Variants in MYO3A observed in about 807,000 individuals in gnomAD.
MYO3A encodes the protein myosin IIIA.
Under a neutral mutation model 192.7 loss-of-function variants are expected in MYO3A, and 180 were observed. That is an observed-to-expected ratio of 0.93 (90% CI 0.83 to 1.06). MYO3A has a LOEUF of 1.06. MYO3A is among the 50% of genes least tolerant of loss of function. The pLI is 0.00. For missense variants in MYO3A, 1,896 were observed against 1,905.0 expected (o/e 1.00, Z 0.09); for synonymous variants, 628 against 645.3 (o/e 0.97, Z 0.41).
At chr10:26,110,237 A>G (rs1419834638) in intron 17 of MYO3A, among the ~76,000 whole-genome samples, 1 of 152,164 alleles carries the variant, frequency 6.6e-6, no homozygotes, top group African/African-American at 2.4e-5. Flanking sequence ...TCCATTCTAT[A>G]TCTACTACAC....
intron 29 of MYO3A, among the ~76,000 whole-genome samples, chr10:26,172,795 T>G (rs1043787824): frequency 1.3e-5 from 2 of 152,110 alleles, no homozygotes; most frequent in African/African-American, 4.8e-5. Flanking sequence ...TCCTAGGAAG[T>G]GGCCAGTAGA....
chr10:26,034,365 T>C (rs528362559), intron 10 of MYO3A, among the ~76,000 whole-genome samples: 3 of 152,308 alleles, frequency 2.0e-5, no homozygotes, highest in Admixed American at 2.0e-4. Flanking sequence ...ACCCCTGCCT[T>C]GGACTGCCAG....
intron 32 of MYO3A, chr10:26,200,959 C>T (rs1190497589): frequency 3.1e-5 from 5 of 159,260 alleles, no homozygotes; most frequent in African/African-American, 4.8e-5. Context: ...AGTTTGCTCC[C>T]GTTTGTAGTA....
At chr10:26,201,448 A>T in intron 33 of MYO3A, 143 bp downstream of exon 33, 2 of 441,358 alleles carry the variant, frequency 4.5e-6, no homozygotes, top group Non-Finnish European at 4.2e-6. Context: ...TGGGAGGCCG[A>T]GGCGGGTGGA....
intron 6 of MYO3A, among the ~76,000 whole-genome samples, chr10:26,003,444 A>G (rs1478617876): frequency 1.3e-5 from 2 of 152,236 alleles, no homozygotes; most frequent in African/African-American, 4.8e-5. Flanking sequence ...AGTAAGATTC[A>G]GTTTGCTAAT....
intron 17 of MYO3A, among the ~76,000 whole-genome samples, chr10:26,098,310 A>T (rs192337233): frequency 6.6e-6 from 1 of 152,128 alleles, no homozygotes; most frequent in African/African-American, 2.4e-5. Flanking sequence ...TTCTGGATAT[A>T]AGCCCTTTGT....
At chr10:25,950,644 C>A (rs1358637679) in intron 2 of MYO3A, among the ~76,000 whole-genome samples, 2 of 152,018 alleles carry the variant, frequency 1.3e-5, no homozygotes, top group Non-Finnish European at 2.9e-5. Flanking sequence ...AAGGGAGGAA[C>A]AAGAGTGTTT....
At chr10:25,985,493 T>A (rs1288894154) in intron 4 of MYO3A, among the ~76,000 whole-genome samples, 1 of 151,860 alleles carries the variant, frequency 6.6e-6, no homozygotes, top group Non-Finnish European at 1.5e-5. Flanking sequence ...TAAGCTTAAT[T>A]GAAAACGAAA....
intron 17 of MYO3A, among the ~76,000 whole-genome samples, chr10:26,109,533 A>T (rs949356623): frequency 6.6e-6 from 1 of 152,176 alleles, no homozygotes; most frequent in Admixed American, 6.5e-5. Context: ...CAGTTCAAAA[A>T]TACATAGTAC....
At chr10:25,992,141 C>G (rs908045839) in intron 4 of MYO3A, among the ~76,000 whole-genome samples, 6 of 150,140 alleles carry the variant, frequency 4.0e-5, no homozygotes, top group Non-Finnish European at 8.9e-5. Context: ...TCTTCCTACC[C>G]ATGAGCATGG....
At chr10:26,059,147 T>A (rs560524179) in intron 10 of MYO3A, among the ~76,000 whole-genome samples, 97 of 152,316 alleles carry the variant, frequency 6.4e-4, no homozygotes, top group African/African-American at 1.9e-3. Flanking sequence ...GATAGTTTTA[T>A]TTCTTTCTTC....
Position 25,959,904 on chromosome 10 carries a change from G to C in MYO3A, c.303+4896G>C, listed in dbSNP as rs144526072. ...GTGATAAGAGGGTTTCGAGTCTTTTGATTAAAGACTTCCAAATGACCCCTT... is the reference window on the plus strand; with the variant it reads ...GTGATAAGAGGGTTTCGAGTCTTTTCATTAAAGACTTCCAAATGACCCCTT... On this transcript the variant is annotated intron_variant, in intron 4 of 34. Coordinates refer to ENST00000642920, the MANE Select transcript of MYO3A (RefSeq NM_017433.5). 2.1e-3 allele frequency among the ~76,000 whole-genome samples: 315 copies of C among 151,864 alleles called. 2 individuals are homozygous for C. The highest frequency in any genetic ancestry group is 7.4e-3 in the African/African-American group (306 of 41,428).
At chr10:26,117,663 G>A (rs1838595970) in intron 17 of MYO3A, among the ~76,000 whole-genome samples, 1 of 152,168 alleles carries the variant, frequency 6.6e-6, no homozygotes, top group African/African-American at 2.4e-5. Flanking sequence ...CCCTGCAAAG[G>A]ACATGATCTC....
At chr10:26,153,366 G>A (rs1840912696) in intron 23 of MYO3A, among the ~76,000 whole-genome samples, 2 of 152,168 alleles carry the variant, frequency 1.3e-5, no homozygotes, top group African/African-American at 4.8e-5. Flanking sequence ...GTGCATTTGT[G>A]TAGTCCTTAG....
In MYO3A at chr10:26,173,710, A is replaced by G. The variant is rs1414436438; in HGVS notation, c.3446A>G (p.Glu1149Gly). 2 of 1,613,938 alleles carry G rather than the reference A, an allele frequency of 1.2e-6. No homozygotes were observed. Among genetic ancestry groups the G allele is most frequent in the African/African-American group, 1.3e-5 (1 of 75,056 alleles). The change falls in exon 30 of 35, where the codon GAA (glutamate) becomes GGA (glycine). Residue 1149 changes from glutamate (E) to glycine (G), a missense_variant. Coordinates refer to ENST00000642920, the MANE Select transcript of MYO3A (RefSeq NM_017433.5). ...GCAGAAAATGCAATCTCTGCTAATG[A>G]AAGATTCATTTCAGCTCCAAATAAT... is the stretch of plus-strand genomic sequence containing the variant. ...KQAENAISAN[E>G]RFISAPNNKG...
chr10:26,030,458 A>G (rs928408634), intron 10 of MYO3A, among the ~76,000 whole-genome samples: 2 of 152,190 alleles, frequency 1.3e-5, no homozygotes, highest in Non-Finnish European at 2.9e-5. Context: ...AGGGAAGATT[A>G]TCCTGCCCTC....
At position 26,021,524 on chromosome 10, in the gene MYO3A, T is replaced by G; in HGVS notation, c.607T>G (p.Leu203Val). The G allele has an allele frequency of 1.2e-6, 2 of 1,614,138 alleles. No individual in the cohort carries two copies. Among genetic ancestry groups the G allele is most frequent in the Non-Finnish European group, 1.7e-6 (2 of 1,179,980 alleles). The change falls in exon 8 of 35, where the codon TTG becomes GTG. Residue 203 changes from leucine (L) to valine (V), a missense_variant. By Grantham distance (32) the Leu-to-Val change is conservative (BLOSUM62 1). Coordinates refer to ENST00000642920, the MANE Select transcript of MYO3A (RefSeq NM_017433.5). ...APEVIACEQQ[L>V]DTTYDARCDT... is the part of the protein sequence containing the mutation. ...CTAGGTGATTGCATGTGAACAGCAA[T>G]TGGATACCACTTATGACGCCAGATG...
intron 10 of MYO3A, among the ~76,000 whole-genome samples, chr10:26,051,532 CT>C (rs150044484): frequency 0.16 from 24,009 of 147,692 alleles, 2,237 homozygotes; most frequent in Non-Finnish European, 0.21. Flanking sequence ...ATGCATTGAT[CT>C]TTAATACATA....
chr10:26,117,148 A>G (rs1439142045), intron 17 of MYO3A, among the ~76,000 whole-genome samples: 1 of 152,230 alleles, frequency 6.6e-6, no homozygotes, highest in East Asian at 1.9e-4. Context: ...GGTAGGTAGG[A>G]TTTGGAGATG....
Sources: allele counts gnomAD v4.1 joint callset (sites outside exome capture counted in the v4.1 genomes callset), GRCh38; gene constraint gnomAD v4.1.1; transcripts MANE v1.5; gene names NCBI Gene and HGNC (gene_info 2026-07-23, HGNC 2026-07-21).